PPM1B: variants seen among roughly 807,000 people sequenced by gnomAD.
The protein encoded by PPM1B is protein phosphatase 1B.
A neutral mutation model predicts 43.0 loss-of-function variants in PPM1B; 22 were observed. The observed-to-expected ratio is 0.51, with a 90% CI of 0.37 to 0.73. The LOEUF is 0.73. Ranked by LOEUF, PPM1B falls within the 30% of genes least tolerant of loss-of-function variation. PPM1B has a pLI of 0.00. For synonymous variants in PPM1B, 217 were observed against 197.9 expected, an observed-to-expected ratio of 1.10 and a Z score of -0.81; for missense variants, 632 against 584.2, an observed-to-expected ratio of 1.08 and a Z score of -0.84.
chr2:44,181,474 T>G (rs1667871914), intron 1 of PPM1B, among the ~76,000 whole-genome samples: 1 of 152,160 alleles, frequency 6.6e-6, no homozygotes, highest in South Asian at 2.1e-4. Context: ...TGTAGGTGGA[T>G]TAGAGGAAGA....
chr2:44,220,037 T>C (rs1669900669), intron 5 of PPM1B, among the ~76,000 whole-genome samples: 1 of 151,462 alleles, frequency 6.6e-6, no homozygotes, highest in Non-Finnish European at 1.5e-5. Context: ...AAGAAATGAG[T>C]ATAGGATGTT....
intron 2 of PPM1B, among the ~76,000 whole-genome samples, chr2:44,205,565 A>G (rs916758350): frequency 1.3e-5 from 2 of 152,190 alleles, no homozygotes; most frequent in Non-Finnish European, 2.9e-5. Context: ...ATATCTTTCC[A>G]AATGGTTCTC....
chr2:44,177,469 A>T (rs1409515630), intron 1 of PPM1B, among the ~76,000 whole-genome samples: 3 of 122,160 alleles, frequency 2.5e-5, no homozygotes, highest in African/African-American at 9.7e-5. Context: ...CCCAGGCTGG[A>T]GTGTAGTGGC....
chr2:44,209,365 G>A (rs1305431211), intron 3 of PPM1B, 38 bp downstream of exon 3: 2 of 1,608,126 alleles, frequency 1.2e-6, no homozygotes, highest in East Asian at 2.2e-5. Context: ...GACAGGCCAG[G>A]CACGGTAGCT....
intron 2 of PPM1B, among the ~76,000 whole-genome samples, chr2:44,202,764 G>A (rs1304763185): frequency 2.6e-5 from 4 of 152,074 alleles, no homozygotes; most frequent in Non-Finnish European, 5.9e-5. Flanking sequence ...TTGTAATTTT[G>A]TATGAATCAT....
intron 1 of PPM1B, among the ~76,000 whole-genome samples, chr2:44,176,930 G>A (rs962924374): frequency 6.6e-6 from 1 of 152,048 alleles, no homozygotes; most frequent in Non-Finnish European, 1.5e-5. Context: ...ACAGGCCTGC[G>A]GCACCACGCC....
At chr2:44,246,763 G>C (rs1053312464), downstream of PPM1B, among the ~76,000 whole-genome samples, 1 of 152,118 alleles carries the variant, frequency 6.6e-6, no homozygotes, top group South Asian at 2.1e-4. Context: ...TTGTGGTATT[G>C]CTTGCATCAT....
At chr2:44,241,291 C>A (rs1240827361) in intron 5 of PPM1B, among the ~76,000 whole-genome samples, 1 of 143,836 alleles carries the variant, frequency 7.0e-6, no homozygotes, top group Non-Finnish European at 1.5e-5. Context: ...GTGTGAGCCA[C>A]CGTGCCCGGC....
At chr2:44,228,685 T>G (rs977479360) in intron 5 of PPM1B, among the ~76,000 whole-genome samples, 1 of 152,200 alleles carries the variant, frequency 6.6e-6, no homozygotes, top group Admixed American at 6.5e-5. Context: ...AACTTCCAAA[T>G]GTATTTAAAA....
chr2:44,195,980 A>G (rs1024400469), intron 1 of PPM1B, among the ~76,000 whole-genome samples: 1 of 152,170 alleles, frequency 6.6e-6, no homozygotes, highest in Non-Finnish European at 1.5e-5. Flanking sequence ...GCTGCCTATC[A>G]TGTTAAGTGA....
Position 44,201,676 on chromosome 2 carries a change from TGGA to T in PPM1B, c.478_480del (p.Gly160del), listed in dbSNP as rs762762802. 6 of 1,614,240 alleles carry T rather than the reference TGGA, an allele frequency of 3.7e-6. No individual in the cohort carries two copies. The highest frequency in any genetic ancestry group is 5.1e-6 in the Non-Finnish European group (6 of 1,180,038). On this transcript the variant is annotated inframe_deletion, in exon 2 of 6. Coordinates refer to ENST00000282412, the MANE Select transcript of PPM1B (RefSeq NM_002706.6). The surrounding 1 kb of genome is among the most constrained non-coding windows in gnomAD (Gnocchi z 5.4). ...ATTCACGTGCTGTTCTGTATAGGAA[TGGA>T]CAAGTCTGCTTTTCTACCCAGGATC...
chr2:44,184,116 T>G (rs564177783), intron 1 of PPM1B, among the ~76,000 whole-genome samples: 1 of 152,266 alleles, frequency 6.6e-6, no homozygotes, highest in African/African-American at 2.4e-5. Flanking sequence ...TTATTTGTAA[T>G]GTAGTGATTA....
At chr2:44,179,868 G>A (rs1667778828) in intron 1 of PPM1B, among the ~76,000 whole-genome samples, 1 of 152,032 alleles carries the variant, frequency 6.6e-6, no homozygotes, top group Non-Finnish European at 1.5e-5. Context: ...AATTAGCCAG[G>A]TGTGGTGGTG....
downstream of PPM1B, among the ~76,000 whole-genome samples, chr2:44,235,124 G>C (rs1219022169): frequency 1.3e-5 from 2 of 152,174 alleles, no homozygotes; most frequent in Non-Finnish European, 2.9e-5. Context: ...TGTGAAATCG[G>C]AAAGTTTATT....
exon 6 of PPM1B, chr2:44,244,360 A>G (rs1670812796): frequency 7.4e-7 from 1 of 1,357,360 alleles, no homozygotes; most frequent in Non-Finnish European, 9.8e-7. Context: ...CGAACGAAAA[A>G]TAAACCCAGC....
intron 5 of PPM1B, among the ~76,000 whole-genome samples, chr2:44,228,468 G>T (rs1490441615): frequency 6.6e-6 from 1 of 151,964 alleles, no homozygotes; most frequent in East Asian, 1.9e-4. Context: ...CACTGCTCCT[G>T]GCCAATGAGG....
chr2:44,234,699 CT>C, downstream of PPM1B: 1 of 760,072 alleles, frequency 1.3e-6, no homozygotes, highest in Non-Finnish European at 1.6e-6. Context: ...CACTTATACT[CT>C]TACAAATTGT....
At chr2:44,240,789 T>C (rs1393729569) in intron 5 of PPM1B, among the ~76,000 whole-genome samples, 1 of 143,756 alleles carries the variant, frequency 7.0e-6, no homozygotes, top group Non-Finnish European at 1.5e-5. Flanking sequence ...CTCAGTAAAA[T>C]GGAGGGAGCG....
chr2:44,206,078 T>C (rs547576475), intron 2 of PPM1B, among the ~76,000 whole-genome samples: 1 of 152,316 alleles, frequency 6.6e-6, no homozygotes, highest in African/African-American at 2.4e-5. Flanking sequence ...TAGATGCCCT[T>C]ATTTATGGCA....
Sources: allele counts gnomAD v4.1 joint callset (sites outside exome capture counted in the v4.1 genomes callset), GRCh38; gene constraint gnomAD v4.1.1; non-coding constraint Gnocchi (gnomAD v3.1); transcripts MANE v1.5; gene names NCBI Gene and HGNC (gene_info 2026-07-23, HGNC 2026-07-21).